RAD51B: variants seen among roughly 807,000 people sequenced by gnomAD.
The protein encoded by RAD51B is RAD51 paralog B.
RAD51B carries 38 observed loss-of-function variants against 42.2 expected under a neutral mutation model. That is an observed-to-expected ratio of 0.90 (90% CI 0.70 to 1.18). RAD51B has a LOEUF of 1.18. Ranked by LOEUF, RAD51B falls within the 50% of genes most tolerant of loss-of-function variation. The pLI is 0.00. For missense variants in RAD51B, 373 were observed against 400.7 expected, an observed-to-expected ratio of 0.93 and a Z score of 0.59; for synonymous variants, 154 against 145.2, an observed-to-expected ratio of 1.06 and a Z score of -0.43.
At chr14:68,344,946 CAAAAAAA>C (rs34579667) in intron 8 of RAD51B, among the ~76,000 whole-genome samples, 1 of 113,262 alleles carries the variant, frequency 8.8e-6, no homozygotes, top group Non-Finnish European at 1.8e-5. Flanking sequence ...GACTCAATCT[CAAAAAAA>C]AAAAAAAAAA....
At chr14:68,162,625 A>G (rs1010406515) in intron 7 of RAD51B, among the ~76,000 whole-genome samples, 7 of 152,142 alleles carry the variant, frequency 4.6e-5, no homozygotes, top group African/African-American at 1.7e-4. Flanking sequence ...CTTGACTAAA[A>G]ATACAAAAAA....
intron 7 of RAD51B, among the ~76,000 whole-genome samples, chr14:68,055,018 T>C (rs2076452180): frequency 6.6e-6 from 1 of 152,150 alleles, no homozygotes; most frequent in Non-Finnish European, 1.5e-5. Context: ...GTCTTCAGTG[T>C]TGATGGTGGT....
intron 5 of RAD51B, among the ~76,000 whole-genome samples, chr14:67,876,386 A>G (rs868566544): frequency 2.6e-5 from 4 of 152,220 alleles, no homozygotes; most frequent in Non-Finnish European, 5.9e-5. Context: ...TATAAGAGCT[A>G]TGAAGTCACA....
At chr14:67,918,402 T>G (rs1048865860) in intron 7 of RAD51B, among the ~76,000 whole-genome samples, 9 of 152,036 alleles carry the variant, frequency 5.9e-5, no homozygotes, top group African/African-American at 2.2e-4. Flanking sequence ...ACCCGGCTAA[T>G]TTTTGTATTT....
At chr14:68,155,924 A>T (rs929927641) in intron 7 of RAD51B, among the ~76,000 whole-genome samples, 2 of 152,236 alleles carry the variant, frequency 1.3e-5, no homozygotes, top group South Asian at 2.1e-4. Flanking sequence ...CGTGGTGTTC[A>T]TCTGCCCAGT....
chr14:68,254,232 AT>A (rs1160090191), intron 7 of RAD51B, among the ~76,000 whole-genome samples: 2 of 152,294 alleles, frequency 1.3e-5, no homozygotes, highest in East Asian at 3.9e-4. Flanking sequence ...TTGCTCCTAG[AT>A]TAAAAGATTT....
intron 7 of RAD51B, among the ~76,000 whole-genome samples, chr14:68,059,454 G>C (rs948663256): frequency 6.6e-6 from 1 of 151,912 alleles, no homozygotes; most frequent in African/African-American, 2.4e-5. Flanking sequence ...TGTCTTCCTT[G>C]CATGCACACA....
intron 10 of RAD51B, among the ~76,000 whole-genome samples, chr14:68,551,071 C>CT (rs906718005): frequency 3.3e-5 from 5 of 152,116 alleles, no homozygotes; most frequent in Admixed American, 3.3e-4. Context: ...GTTTTAACTG[C>CT]TTACCCCAGC....
chr14:68,228,600 GCT>G (rs1449499949), intron 7 of RAD51B, among the ~76,000 whole-genome samples: 1 of 152,084 alleles, frequency 6.6e-6, no homozygotes, highest in East Asian at 1.9e-4. Flanking sequence ...ACCTAAAACA[GCT>G]CTTGATGTGT....
chr14:68,632,406 C>G (rs1892249467), intron 10 of RAD51B, among the ~76,000 whole-genome samples: 1 of 152,202 alleles, frequency 6.6e-6, no homozygotes, highest in Non-Finnish European at 1.5e-5. Context: ...GCTCGGCCGT[C>G]TGGGACTGTG....
intron 8 of RAD51B, among the ~76,000 whole-genome samples, chr14:68,390,267 G>A (rs750264488): frequency 2.6e-5 from 4 of 152,122 alleles, no homozygotes; most frequent in South Asian, 4.1e-4. Context: ...AAAAATCTAC[G>A]CCTCGAAGTT....
intron 7 of RAD51B, among the ~76,000 whole-genome samples, chr14:68,115,171 T>C (rs2077520539): frequency 7.4e-6 from 1 of 134,958 alleles, no homozygotes; most frequent in African/African-American, 3.4e-5. Context: ...ATAGACTGGA[T>C]TAAGAAAATG....
intron 7 of RAD51B, among the ~76,000 whole-genome samples, chr14:67,936,575 T>A (rs1024834500): frequency 1.3e-5 from 2 of 152,232 alleles, no homozygotes; most frequent in Non-Finnish European, 2.9e-5. Flanking sequence ...CAAGCTTTTG[T>A]TTGGACATAT....
At chr14:68,400,582 G>C (rs1193661307) in intron 8 of RAD51B, among the ~76,000 whole-genome samples, 1 of 152,180 alleles carries the variant, frequency 6.6e-6, no homozygotes, top group Non-Finnish European at 1.5e-5. Flanking sequence ...TCTACAATGG[G>C]AGCAGGAAAG....
intron 10 of RAD51B, among the ~76,000 whole-genome samples, chr14:68,584,675 C>T (rs1316598935): frequency 6.6e-6 from 1 of 152,184 alleles, no homozygotes; most frequent in Non-Finnish European, 1.5e-5. Flanking sequence ...GATTTCACCT[C>T]CATAAAAGGT....
chr14:68,543,521 C>T (rs1888072774), intron 10 of RAD51B, among the ~76,000 whole-genome samples: 1 of 152,120 alleles, frequency 6.6e-6, no homozygotes, highest in African/African-American at 2.4e-5. Context: ...AAATGGCTTA[C>T]TTCTAAGATT....
chr14:68,337,353 TA>T (rs1207741534), intron 8 of RAD51B, among the ~76,000 whole-genome samples: 1 of 152,238 alleles, frequency 6.6e-6, no homozygotes, highest in African/African-American at 2.4e-5. Flanking sequence ...AAACCTGAAA[TA>T]CCCCCTCAGA....
intron 7 of RAD51B, among the ~76,000 whole-genome samples, chr14:68,270,052 T>C (rs552740072): frequency 6.6e-6 from 1 of 152,366 alleles, no homozygotes; most frequent in African/African-American, 2.4e-5. Context: ...CAGGTAGTCA[T>C]GTAATACTTT....
At chr14:68,651,364 G>A (rs1892694980) in intron 11 of RAD51B, among the ~76,000 whole-genome samples, 1 of 152,108 alleles carries the variant, frequency 6.6e-6, no homozygotes, top group Admixed American at 6.5e-5. Context: ...GTAAAGATAA[G>A]GTTTTGCCGT....
Sources: allele counts gnomAD v4.1 joint callset (sites outside exome capture counted in the v4.1 genomes callset), GRCh38; gene constraint gnomAD v4.1.1; transcripts MANE v1.5; gene names NCBI Gene and HGNC (gene_info 2026-07-23, HGNC 2026-07-21).